Variants in TOR1AIP2 observed in about 807,000 individuals in gnomAD.
TOR1AIP2 encodes the protein torsin-1A-interacting protein 2.
TOR1AIP2 carries 20 observed loss-of-function variants against 32.6 expected under a neutral mutation model. That is an observed-to-expected ratio of 0.61 (90% CI 0.43 to 0.89). The LOEUF is 0.89. Ranked by LOEUF, TOR1AIP2 falls within the 40% of genes least tolerant of loss-of-function variation. The pLI is 0.00. For missense variants in TOR1AIP2, 456 were observed against 553.8 expected, an observed-to-expected ratio of 0.82 and a Z score of 1.77; for synonymous variants, 214 against 210.8, an observed-to-expected ratio of 1.02 and a Z score of -0.13.
At chr1:179,858,725 C>T (rs147915680) in intron 3 of TOR1AIP2, among the ~76,000 whole-genome samples, 94 of 152,258 alleles carry the variant, frequency 6.2e-4, no homozygotes, top group African/African-American at 1.8e-3. Context: ...AGACAGGACA[C>T]GGAAAAGCTG....
At position 179,861,551 on chromosome 1, in the gene TOR1AIP2, TATA is replaced by T. The variant is rs1558019796; in HGVS notation, c.-147+3882_-147+3884del. The stretch of plus-strand genomic sequence containing the variant: ...TTCTTGCCCATATATTCACATAGTT[TATA>T]ATGACACTGAACAAAACTGTTTGTG... On this transcript the variant is annotated intron_variant, in intron 3 of 6. Transcript: ENST00000609928. 2.0e-5 allele frequency: 20 copies of T among 985,394 alleles called. No homozygotes were observed. In the Admixed American group the frequency reaches 2.5e-4, roughly 12 times the overall value. 61.0% of individuals were successfully genotyped at this position (985,394 alleles called of 1,614,324 possible).
chr1:179,856,229 T>C (rs941803101), intron 3 of TOR1AIP2, among the ~76,000 whole-genome samples: 1 of 152,210 alleles, frequency 6.6e-6, no homozygotes, highest in Non-Finnish European at 1.5e-5. Flanking sequence ...CCATTTGTTA[T>C]CAAACTTAAA....
At chr1:179,861,540 T>C (rs1030095363) in intron 3 of TOR1AIP2, 2 of 985,168 alleles carry the variant, frequency 2.0e-6, no homozygotes, top group Non-Finnish European at 2.4e-6. Context: ...TGCCCATATA[T>C]TCACATAGTT....
chr1:179,858,485 A>G (rs908132670), intron 3 of TOR1AIP2, among the ~76,000 whole-genome samples: 1 of 152,200 alleles, frequency 6.6e-6, no homozygotes, highest in African/African-American at 2.4e-5. Flanking sequence ...TATATTTTAG[A>G]TCTGGGCAAA....
At chr1:179,848,856 C>T (rs1003446035) in intron 5 of TOR1AIP2, among the ~76,000 whole-genome samples, 3 of 152,146 alleles carry the variant, frequency 2.0e-5, no homozygotes, top group Non-Finnish European at 4.4e-5. Flanking sequence ...GCTGGCTGGG[C>T]GCAGTGGCTC....
At chr1:179,866,708 C>T (rs1313361948) in intron 2 of TOR1AIP2, among the ~76,000 whole-genome samples, 2 of 152,160 alleles carry the variant, frequency 1.3e-5, no homozygotes, top group African/African-American at 4.8e-5. Context: ...CCCGGGTGCC[C>T]ACCACCTAGT....
chr1:179,864,415 A>T, intron 3 of TOR1AIP2: 1 of 997,268 alleles, frequency 1.0e-6, no homozygotes, highest in East Asian at 1.1e-4. Flanking sequence ...TATCATTAGA[A>T]ATACCACTAT....
At chr1:179,873,052 C>T (rs979793515) in intron 2 of TOR1AIP2, among the ~76,000 whole-genome samples, 4 of 152,134 alleles carry the variant, frequency 2.6e-5, no homozygotes, top group Admixed American at 6.5e-5. Flanking sequence ...TCAGATTTCA[C>T]GATTTCTTTT....
intron 3 of TOR1AIP2, chr1:179,862,647 G>A: frequency 2.0e-6 from 2 of 985,374 alleles, no homozygotes; most frequent in South Asian, 4.7e-5. Flanking sequence ...AAAGAGCCCT[G>A]GTCAGGCACG....
In TOR1AIP2 at chr1:179,842,443, T is replaced by C. The variant is rs1371938705; in HGVS notation, c.*3628A>G. 2.0e-5 allele frequency: 3 copies of C among 152,230 alleles called. No individual in the cohort carries two copies. The highest frequency in any genetic ancestry group is 4.4e-5 in the Non-Finnish European group (3 of 68,036). 9.4% of individuals were successfully genotyped at this position (152,230 alleles called of 1,614,324 possible). The stretch of plus-strand genomic sequence containing the variant: ...TATGAACACCTTTAGTGATATGAAC[T>C]TGTCCGCCAACTCCTGGAAACTAAC... On this transcript the variant is annotated 3_prime_UTR_variant, in exon 7 of 7. Coordinates refer to ENST00000609928, the MANE Select transcript of TOR1AIP2 (RefSeq NM_001199260.2).
At chr1:179,858,947 C>G (rs1696409724) in intron 3 of TOR1AIP2, 1 of 858,890 alleles carries the variant, frequency 1.2e-6, no homozygotes, top group Non-Finnish European at 1.4e-6. Flanking sequence ...GTTTAGCAGC[C>G]AAGAAGAGCA....
intron 3 of TOR1AIP2, chr1:179,859,168 C>A (rs1251906136): frequency 1.0e-6 from 1 of 985,184 alleles, no homozygotes; most frequent in Non-Finnish European, 1.2e-6. Flanking sequence ...AAACGAGTAA[C>A]AAATAAAGCA....
At chr1:179,860,334 T>G in intron 3 of TOR1AIP2, 2 of 740,444 alleles carry the variant, frequency 2.7e-6, no homozygotes, top group Non-Finnish European at 3.3e-6. Context: ...ATAAAAAAAT[T>G]AGCTGGGCAT....
chr1:179,847,538 A>G lies in TOR1AIP2; in HGVS notation c.652T>C (p.Tyr218His). ...RQINKKGFWS[Y>H]GPVILVVLVV... is the part of the protein sequence containing the mutation. ...GTAAAACCAGGTTTGTTCTCACCAT[A>G]GCTCCAAAAACCCTTTTTATTAATC... is the stretch of plus-strand genomic sequence containing the variant. The change falls in exon 6 of 7, where the codon TAT becomes CAT. Residue 218 changes from tyrosine to histidine, a missense_variant. Coordinates refer to ENST00000609928, the MANE Select transcript of TOR1AIP2 (RefSeq NM_001199260.2). The G allele has an allele frequency of 6.2e-7, 1 of 1,610,454 alleles. No homozygotes were observed. The highest frequency in any genetic ancestry group is 8.5e-7 in the Non-Finnish European group (1 of 1,176,642).
chr1:179,858,872 AG>A (rs1696406963), intron 3 of TOR1AIP2, among the ~76,000 whole-genome samples: 1 of 152,156 alleles, frequency 6.6e-6, no homozygotes, highest in Admixed American at 6.5e-5. Flanking sequence ...AAACCTGGGG[AG>A]GGGAGGCAGG....
At chr1:179,875,359 A>G (rs1697156698) in intron 2 of TOR1AIP2, 1 of 152,200 alleles carries the variant, frequency 6.6e-6, no homozygotes, top group African/African-American at 2.4e-5. Context: ...TAGTACTTAG[A>G]TGAAAGAGGC....
Position 179,844,936 on chromosome 1 carries a change from C to T in TOR1AIP2, c.*1135G>A, listed in dbSNP as rs1695843301. The stretch of plus-strand genomic sequence containing the variant: ...TGCTGAAAGAGTCTACAAACTCTTA[C>T]CCTAGACAAGTATAAAATTCCATGC... On this transcript the variant is annotated 3_prime_UTR_variant, in exon 7 of 7. Transcript: ENST00000609928. The T allele has an allele frequency of 6.6e-6, 1 of 152,074 alleles. No individual in the cohort carries two copies. Among genetic ancestry groups the T allele is most frequent in the Non-Finnish European group, 1.5e-5 (1 of 68,008 alleles). 9.4% of individuals were successfully genotyped at this position (152,074 alleles called of 1,614,324 possible). A position where few individuals can be genotyped will look rare whatever the true frequency, so the allele number is the denominator to read the frequency against.
At position 179,865,433 on chromosome 1, in the gene TOR1AIP2, T is replaced by A. The variant is rs537677794; in HGVS notation, c.-147+3A>T. The A allele has an allele frequency of 4.2e-6, 2 of 472,926 alleles. No homozygotes were observed. The highest frequency in any genetic ancestry group is 7.2e-5 in the South Asian group (2 of 27,704). 29.3% of individuals were successfully genotyped at this position (472,926 alleles called of 1,614,324 possible). On this transcript the variant is annotated splice_donor_region_variant and intron_variant, in intron 3 of 6. Transcript: ENST00000609928. ...CCAGTTTATAATGTTATCAGTCACT[T>A]ACTAGCAGTACAGATCTCAGGATAG...
intron 5 of TOR1AIP2, 76 bp downstream of exon 5, chr1:179,850,769 A>T: frequency 6.6e-7 from 1 of 1,506,670 alleles, no homozygotes; most frequent in Middle Eastern, 1.8e-4. Context: ...TCTGGAAAGA[A>T]GGCCTCTGAC....
Sources: allele counts gnomAD v4.1 joint callset (sites outside exome capture counted in the v4.1 genomes callset), GRCh38; gene constraint gnomAD v4.1.1; transcripts MANE v1.5; gene names NCBI Gene and HGNC (gene_info 2026-07-23, HGNC 2026-07-21).